Variants in PTPRF observed in about 807,000 individuals in gnomAD.
The protein encoded by PTPRF is receptor-type tyrosine-protein phosphatase F.
In PTPRF, 59 loss-of-function variants were observed where a neutral mutation model predicts 201.8. The ratio of observed to expected loss-of-function variants is 0.29; its 90% CI spans 0.24 to 0.36. The LOEUF is 0.36. Among genes scored for constraint, PTPRF ranks in the 10% least tolerant of loss-of-function variants. The pLI is 1.00. For missense variants in PTPRF, 2,132 were observed against 2,690.5 expected (o/e 0.79, Z 4.59); for synonymous variants, 1,088 against 1,089.7 (o/e 1.00, Z 0.03).
intron 1 of PTPRF, 29 bp from the exon 2 acceptor site, chr1:43,538,169 T>C (rs937539563): frequency 7.5e-6 from 3 of 398,628 alleles, no homozygotes; most frequent in African/African-American, 2.1e-5. Flanking sequence ...AAATTCTTGA[T>C]GTTTTCTCAT....
rs747134912 is a variant in PTPRF at position 43,591,835 on chromosome 1, C to A, written c.1555C>A (p.Gln519Lys). Residue 519 changes from glutamine to lysine, a missense_variant, in exon 10 of 34, where the codon CAG (glutamine) becomes AAG (lysine). Gln to Lys is a moderately conservative substitution (Grantham distance 53, BLOSUM62 1). Transcript: ENST00000359947. ...AGTGCCTGCCCAGCCCGCGGACTTC[C>A]AGGCCGAGGTGGAGTCGGACACCAG... Reference protein sequence around the residue: ...QGVPAQPADFQAEVESDTRIQ... With the variant: ...QGVPAQPADFKAEVESDTRIQ... 39 of 1,613,242 alleles carry A rather than the reference C, an allele frequency of 2.4e-5. No individual in the cohort carries two copies. The Middle Eastern group carries it at 4.9e-4, about 20-fold the overall frequency.
intron 1 of PTPRF, among the ~76,000 whole-genome samples, chr1:43,535,070 T>C (rs774537735): frequency 1.3e-5 from 2 of 152,098 alleles, no homozygotes; most frequent in Non-Finnish European, 2.9e-5. Flanking sequence ...CACCCTCCCA[T>C]CAGGGGTCAC....
chr1:43,548,509 G>T (rs933101222), intron 3 of PTPRF, among the ~76,000 whole-genome samples: 4 of 152,088 alleles, frequency 2.6e-5, no homozygotes, highest in Non-Finnish European at 5.9e-5. Flanking sequence ...GGGACTTCCC[G>T]CAGATTCCGT....
intron 5 of PTPRF, among the ~76,000 whole-genome samples, chr1:43,559,139 T>C (rs556966788): frequency 2.0e-5 from 3 of 152,222 alleles, no homozygotes; most frequent in Non-Finnish European, 4.4e-5. Flanking sequence ...GTGCCCTGTG[T>C]GCCATGTTTA....
intron 6 of PTPRF, among the ~76,000 whole-genome samples, chr1:43,572,091 C>T (rs144462728): frequency 3.3e-5 from 5 of 152,316 alleles, no homozygotes; most frequent in African/African-American, 7.2e-5. Flanking sequence ...GCTCACCTTC[C>T]GGCTGCTCCA....
At chr1:43,584,230 C>T (rs1209000280) in intron 7 of PTPRF, among the ~76,000 whole-genome samples, 1 of 152,132 alleles carries the variant, frequency 6.6e-6, no homozygotes, top group Non-Finnish European at 1.5e-5. Context: ...TTCAGGATAG[C>T]AGTGTAGGAC....
chr1:43,602,504 G>C (rs1653999498), intron 14 of PTPRF, among the ~76,000 whole-genome samples: 1 of 152,200 alleles, frequency 6.6e-6, no homozygotes, highest in Non-Finnish European at 1.5e-5. Flanking sequence ...CCAGCCCTGG[G>C]AGACCCTCCA....
At chr1:43,565,275 C>T (rs1188631117) in intron 5 of PTPRF, among the ~76,000 whole-genome samples, 1 of 152,158 alleles carries the variant, frequency 6.6e-6, no homozygotes, top group African/African-American at 2.4e-5. Context: ...CACCATCGAC[C>T]CCCGACCCTC....
chr1:43,571,642 C>T (rs924149165), intron 6 of PTPRF, among the ~76,000 whole-genome samples: 8 of 152,370 alleles, frequency 5.3e-5, no homozygotes, highest in South Asian at 4.1e-4. Context: ...CCTCCTGCTG[C>T]GTCAGTCCTA....
chr1:43,598,383 C>T (rs1479716406), intron 12 of PTPRF: 2 of 455,684 alleles, frequency 4.4e-6, no homozygotes, highest in Non-Finnish European at 7.7e-6. Flanking sequence ...TGGACATTGG[C>T]ATGATTGGGG....
At position 43,532,793 on chromosome 1, in the gene PTPRF, A is replaced by T. The variant is rs553324741; in HGVS notation, c.-126+1703A>T. ...GGAGCAGGTGTAACTCCCCAAGTACAACCCCCTACATTCTCAGCCCCAGGC... is the reference window on the plus strand; with the variant it reads ...GGAGCAGGTGTAACTCCCCAAGTACTACCCCCTACATTCTCAGCCCCAGGC... On this transcript the variant is annotated intron_variant, in intron 1 of 33. Transcript: ENST00000359947. 2.6e-5 allele frequency among the ~76,000 whole-genome samples: 4 copies of T among 152,108 alleles called. No individual in the cohort carries two copies. In the South Asian group the frequency reaches 8.3e-4, roughly 32 times the overall value.
At chr1:43,612,711 C>T (rs1656753347) in intron 22 of PTPRF, 1 of 1,321,022 alleles carries the variant, frequency 7.6e-7, no homozygotes. Context: ...AGTTAACGGG[C>T]TTTCTTTTCT....
chr1:43,564,482 C>T (rs748237105), intron 5 of PTPRF, among the ~76,000 whole-genome samples: 2 of 152,204 alleles, frequency 1.3e-5, no homozygotes, highest in Admixed American at 6.5e-5. Context: ...TCTCTGTGTG[C>T]ACCGCCTCTG....
chr1:43,567,262 C>T (rs1043134823), intron 5 of PTPRF, among the ~76,000 whole-genome samples: 2 of 152,152 alleles, frequency 1.3e-5, no homozygotes, highest in Non-Finnish European at 2.9e-5. Context: ...CTCAGGCCTT[C>T]CTATGGAAGC....
intron 12 of PTPRF, chr1:43,598,468 C>A: frequency 1.9e-6 from 1 of 521,862 alleles, no homozygotes; most frequent in Non-Finnish European, 3.4e-6. Flanking sequence ...ACCTGTTCCC[C>A]CATGTCGACC....
intron 3 of PTPRF, among the ~76,000 whole-genome samples, chr1:43,551,287 G>A (rs1645022477): frequency 6.6e-6 from 1 of 152,028 alleles, no homozygotes; most frequent in African/African-American, 2.4e-5. Context: ...GCACGGTATG[G>A]GGGTGGGGGA....
intron 5 of PTPRF, among the ~76,000 whole-genome samples, chr1:43,558,232 G>A (rs1343279714): frequency 2.0e-5 from 3 of 152,122 alleles, no homozygotes; most frequent in African/African-American, 7.2e-5. Context: ...GAGAATGGCT[G>A]AGGGCTGTCT....
upstream of PTPRF, among the ~76,000 whole-genome samples, chr1:43,524,694 G>A (rs1643046818): frequency 6.6e-6 from 1 of 152,142 alleles, no homozygotes; most frequent in Admixed American, 6.6e-5. Flanking sequence ...CCTGAGAGAG[G>A]AGGAGGGTGC....
chr1:43,590,792 G>C (rs1395784519), intron 8 of PTPRF, among the ~76,000 whole-genome samples, 180 bp from the exon 9 acceptor site: 1 of 152,220 alleles, frequency 6.6e-6, no homozygotes, highest in Non-Finnish European at 1.5e-5. Context: ...CCTGGCCACT[G>C]TCCCTCACTT....
Sources: gnomAD v4.1 joint callset for allele counts (sites outside exome capture counted in the v4.1 genomes callset) on GRCh38, gnomAD v4.1.1 for gene constraint, MANE v1.5 for transcripts, NCBI Gene and HGNC (gene_info 2026-07-23, HGNC 2026-07-21) for gene names.